The following TMEM87A variants were observed in gnomAD, a reference collection of about 807,000 sequenced individuals.
TMEM87A encodes the protein Golgi-pH regulating cation channel.
A neutral mutation model predicts 90.0 loss-of-function variants in TMEM87A; 50 were observed. The observed-to-expected ratio is 0.56, with a 90% CI of 0.44 to 0.70. The LOEUF (loss-of-function observed/expected upper bound fraction) is 0.70. TMEM87A is among the 30% of genes least tolerant of loss of function. TMEM87A has a pLI of 0.00. For synonymous variants in TMEM87A, 226 were observed against 226.7 expected (o/e 1.00, Z 0.03); for missense variants, 577 against 660.5 (o/e 0.87, Z 1.39).
chr15:42,264,699 A>ATATATATATATATATATATATATT (rs10681614), intron 3 of TMEM87A, among the ~76,000 whole-genome samples: 9 of 109,418 alleles, frequency 8.2e-5, no homozygotes, highest in African/African-American at 2.8e-4. Context: ...ATATATATAT[A>ATATATATATATATATATATATATT]TTTTTTTTTT....
At chr15:42,251,415 G>A (rs1247319569) in intron 6 of TMEM87A, among the ~76,000 whole-genome samples, 2 of 152,224 alleles carry the variant, frequency 1.3e-5, no homozygotes, top group Admixed American at 6.5e-5. Context: ...GTGACCTACA[G>A]ATGGGGTTTT....
At position 42,233,308 on chromosome 15, in the gene TMEM87A, TAA is replaced by T. The variant is rs1490016040; in HGVS notation, c.969-4_969-3del. The T allele has an allele frequency of 6.2e-7, 1 of 1,612,442 alleles. No individual in the cohort carries two copies. The highest frequency in any genetic ancestry group is 2.2e-5 in the East Asian group (1 of 44,840). ...TGAAGAGTGACTCCAAGGCGTGGCC[TAA>T]AGAGGAAGCAAGGAGATATTTGAGT... On this transcript the variant is annotated splice_polypyrimidine_tract_variant and splice_region_variant and intron_variant, in intron 10 of 19. Transcript: ENST00000389834.
chr15:42,256,786 T>C (rs2051192777), intron 6 of TMEM87A, among the ~76,000 whole-genome samples: 1 of 152,204 alleles, frequency 6.6e-6, no homozygotes, highest in South Asian at 2.1e-4. Flanking sequence ...GGTGTGACTT[T>C]GGCTCACTGC....
chr15:42,227,430 G>T (rs914139069), intron 14 of TMEM87A, among the ~76,000 whole-genome samples: 4 of 151,922 alleles, frequency 2.6e-5, no homozygotes, highest in Non-Finnish European at 5.9e-5. Context: ...AAGATTTTTA[G>T]TTAAAATAAG....
chr15:42,249,260 GTTTT>G (rs1291201077), intron 6 of TMEM87A, among the ~76,000 whole-genome samples: 1 of 152,128 alleles, frequency 6.6e-6, no homozygotes, highest in Admixed American at 6.5e-5. Flanking sequence ...CTCTTGAAGG[GTTTT>G]TTGTGTCTCT....
intron 6 of TMEM87A, chr15:42,258,782 A>C: frequency 6.9e-7 from 1 of 1,442,666 alleles, no homozygotes; most frequent in East Asian, 2.5e-5. Flanking sequence ...CCTAACTTAC[A>C]TTCAGTTAAA....
At chr15:42,253,325 C>T (rs2051119413) in intron 6 of TMEM87A, among the ~76,000 whole-genome samples, 1 of 152,154 alleles carries the variant, frequency 6.6e-6, no homozygotes, top group South Asian at 2.1e-4. Flanking sequence ...CCTTAAAAAG[C>T]CTTGTTCTCC....
intron 13 of TMEM87A, 93 bp from the exon 14 acceptor site, chr15:42,227,862 A>C: frequency 9.6e-7 from 1 of 1,043,954 alleles, no homozygotes; most frequent in Non-Finnish European, 1.5e-6. Flanking sequence ...AATCCCACAC[A>C]CCCCGAACCC....
Position 42,219,662 on chromosome 15 carries a change from TA to T in TMEM87A, c.1478-21del. ...TTCCTTCTGTAGAAGAAAATAAATA[TA>T]CACTGTTTAACTTTGTGAACAGACC... On this transcript the variant is annotated intron_variant, in intron 16 of 19. Transcript: ENST00000389834. The T allele has an allele frequency of 6.5e-7, 1 of 1,540,326 alleles. No homozygotes were observed. The highest frequency in any genetic ancestry group is 8.9e-7 in the Non-Finnish European group (1 of 1,122,540).
intron 12 of TMEM87A, among the ~76,000 whole-genome samples, chr15:42,230,270 G>C: frequency 6.6e-6 from 1 of 152,150 alleles, no homozygotes; most frequent in East Asian, 1.9e-4. Flanking sequence ...CGCTTGCAGA[G>C]GTTCACAAAA....
intron 6 of TMEM87A, chr15:42,258,823 A>C (rs2051231519): frequency 6.8e-7 from 1 of 1,472,340 alleles, no homozygotes; most frequent in African/African-American, 1.5e-5. Context: ...GGGTTTAGGT[A>C]GTGAGAACAC....
chr15:42,247,404 G>T (rs2140957539), intron 6 of TMEM87A, among the ~76,000 whole-genome samples: 1 of 152,262 alleles, frequency 6.6e-6, no homozygotes, highest in Admixed American at 6.5e-5. Flanking sequence ...TCCTTCTAGG[G>T]ATTTTATGGT....
At chr15:42,258,318 T>C (rs1329364228) in intron 6 of TMEM87A, 5 of 690,828 alleles carry the variant, frequency 7.2e-6, no homozygotes, top group South Asian at 6.4e-5. Context: ...AAGATAAATA[T>C]ATCACTGCAT....
rs776359984 is a variant in TMEM87A at position 42,267,939 on chromosome 15, T to G, written c.291+8A>C. The G allele has an allele frequency of 6.2e-7, 1 of 1,605,980 alleles. No homozygotes were observed. The highest frequency in any genetic ancestry group is 8.5e-7 in the Non-Finnish European group (1 of 1,175,446). On this transcript the variant is annotated splice_region_variant and intron_variant, in intron 3 of 19. Transcript: ENST00000389834. ...TCCAAAAAAACTCTGTAATTTTATG[T>G]TCCTTACCTTGAAGTTATAGATTTC...
At chr15:42,263,752 A>G (rs751798565) in intron 4 of TMEM87A, among the ~76,000 whole-genome samples, 9 of 151,778 alleles carry the variant, frequency 5.9e-5, no homozygotes, top group African/African-American at 1.9e-4. Context: ...TGCCTTGGGG[A>G]AAAAAAAAGT....
chr15:42,219,730 A>T (rs2050440426), intron 16 of TMEM87A, 88 bp from the exon 17 acceptor site: 2 of 905,810 alleles, frequency 2.2e-6, no homozygotes, highest in East Asian at 2.8e-5. Flanking sequence ...TTCTTTTTTT[A>T]AATTAAAAGC....
chr15:42,219,781 T>C, intron 16 of TMEM87A, 139 bp from the exon 17 acceptor site: 1 of 686,600 alleles, frequency 1.5e-6, no homozygotes, highest in Non-Finnish European at 2.4e-6. Flanking sequence ...AGCTTCCTAA[T>C]ACTTGTGAAG....
chr15:42,219,131 G>C (rs2050429304), intron 17 of TMEM87A, among the ~76,000 whole-genome samples: 1 of 152,026 alleles, frequency 6.6e-6, no homozygotes, highest in Admixed American at 6.6e-5. Flanking sequence ...ATCTCACTGT[G>C]GTTTTCATTT....
chr15:42,224,218 G>T (rs1458807239), intron 15 of TMEM87A, among the ~76,000 whole-genome samples: 1 of 152,186 alleles, frequency 6.6e-6, no homozygotes, highest in Admixed American at 6.5e-5. Context: ...CTGCCAGGAG[G>T]GGTTGGAAAC....
Sources: gnomAD v4.1 joint callset for allele counts (sites outside exome capture counted in the v4.1 genomes callset) on GRCh38, gnomAD v4.1.1 for gene constraint, MANE v1.5 for transcripts, NCBI Gene and HGNC (gene_info 2026-07-23, HGNC 2026-07-21) for gene names.